CADM1: variants seen among roughly 807,000 people sequenced by gnomAD.
The protein encoded by CADM1 is TSLC-1.
CADM1 carries 15 observed loss-of-function variants against 53.1 expected under a neutral mutation model. The observed-to-expected ratio is 0.28, with a 90% CI of 0.19 to 0.44. The LOEUF is 0.44. Ranked by LOEUF, CADM1 falls within the 20% of genes least tolerant of loss-of-function variation. The pLI is 1.00. For synonymous variants in CADM1, 281 were observed against 243.0 expected (o/e 1.16, Z -1.45); for missense variants, 434 against 611.3 (o/e 0.71, Z 3.06).
chr11:115,223,551 G>T (rs940903820), intron 5 of CADM1, among the ~76,000 whole-genome samples: 1 of 152,090 alleles, frequency 6.6e-6, no homozygotes, highest in Non-Finnish European at 1.5e-5. Flanking sequence ...GAGAGGAGGT[G>T]GTTCTTAGTA....
At chr11:115,197,860 T>C (rs949136577) in intron 9 of CADM1, among the ~76,000 whole-genome samples, 1 of 152,182 alleles carries the variant, frequency 6.6e-6, no homozygotes, top group African/African-American at 2.4e-5. Context: ...GGGGTACATA[T>C]GATTAGCAAC....
chr11:115,448,348 A>T (rs1948498379), intron 1 of CADM1, among the ~76,000 whole-genome samples: 1 of 152,070 alleles, frequency 6.6e-6, no homozygotes, highest in East Asian at 1.9e-4. Context: ...TATAAATCTG[A>T]TTAGAAAAAA....
intron 1 of CADM1, among the ~76,000 whole-genome samples, chr11:115,424,316 A>T (rs1441951307): frequency 6.6e-6 from 1 of 152,216 alleles, no homozygotes; most frequent in Non-Finnish European, 1.5e-5. Flanking sequence ...CACAGAAAGT[A>T]CTTGAACTTT....
chr11:115,284,114 C>CTCTCTCTCTCTCTCTCTCTCTCTCTGTG (rs1351842329), intron 1 of CADM1, among the ~76,000 whole-genome samples: 4 of 98,616 alleles, frequency 4.1e-5, no homozygotes, highest in African/African-American at 1.2e-4. Flanking sequence ...CTCTCTCTCT[C>CTCTCTCTCTCTCTCTCTCTCTCTCTGTG]TGTGTGTGTG....
At position 115,191,947 on chromosome 11, in the gene CADM1, A is replaced by C. The variant is rs143608298; in HGVS notation, c.1112-1006T>G. ...CTAATAAACTGCAAGGTCTTTGGAG[A>C]AGCAAGTTGTGTTTATTTTTGCATC... On this transcript the variant is annotated intron_variant, in intron 9 of 11. Transcript: ENST00000331581. Among the ~76,000 whole-genome samples, 614 of 152,258 alleles carry C rather than the reference A, an allele frequency of 4.0e-3. 2 individuals are homozygous for C. The highest frequency in any genetic ancestry group is 0.01 in the Middle Eastern group (3 of 294).
At chr11:115,455,055 G>A (rs1209442751) in intron 1 of CADM1, among the ~76,000 whole-genome samples, 2 of 152,094 alleles carry the variant, frequency 1.3e-5, no homozygotes, top group Non-Finnish European at 2.9e-5. Flanking sequence ...TCTCTAATAG[G>A]TGAGACTGGA....
intron 1 of CADM1, among the ~76,000 whole-genome samples, chr11:115,416,523 C>T (rs896712858): frequency 1.3e-5 from 2 of 152,038 alleles, no homozygotes; most frequent in African/African-American, 2.4e-5. Flanking sequence ...ACAGATAAAG[C>T]ACACTACACT....
intron 10 of CADM1, among the ~76,000 whole-genome samples, chr11:115,183,548 T>C (rs973144488): frequency 1.4e-4 from 21 of 152,122 alleles, no homozygotes; most frequent in African/African-American, 4.8e-5. Flanking sequence ...CTGCCCACCC[T>C]GAAGCCCTCG....
chr11:115,392,681 C>G (rs1210225687), intron 1 of CADM1, among the ~76,000 whole-genome samples: 1 of 152,060 alleles, frequency 6.6e-6, no homozygotes, highest in Non-Finnish European at 1.5e-5. Flanking sequence ...TTCGCATTCC[C>G]AAACACAAAT....
At chr11:115,338,243 C>G (rs1945319429) in intron 1 of CADM1, among the ~76,000 whole-genome samples, 1 of 152,030 alleles carries the variant, frequency 6.6e-6, no homozygotes, top group Non-Finnish European at 1.5e-5. Flanking sequence ...TCACAAAAAC[C>G]CTAAGAGGTA....
chr11:115,270,325 ACCAT>A (rs1943262340), intron 1 of CADM1, among the ~76,000 whole-genome samples: 2 of 152,208 alleles, frequency 1.3e-5, no homozygotes, highest in Non-Finnish European at 2.9e-5. Flanking sequence ...GAGCTACTTT[ACCAT>A]ATTTATTATT....
intron 1 of CADM1, among the ~76,000 whole-genome samples, chr11:115,375,014 T>C (rs1220060582): frequency 6.6e-6 from 1 of 152,222 alleles, no homozygotes; most frequent in African/African-American, 2.4e-5. Flanking sequence ...TAAGAAAATA[T>C]TATTGTGGTT....
rs1352738487 is a variant in CADM1, at chr11:115,170,612, G to C, written c.*5862C>G. 1 of 149,934 alleles carries C rather than the reference G, an allele frequency of 6.7e-6. No homozygotes were observed. The highest frequency in any genetic ancestry group is 1.5e-5 in the Non-Finnish European group (1 of 67,602). 9.3% of individuals were successfully genotyped at this position (149,934 alleles called of 1,614,324 possible). A position where few individuals can be genotyped will look rare whatever the true frequency, so the allele number is the denominator to read the frequency against. On this transcript the variant is annotated 3_prime_UTR_variant, in exon 12 of 12. Coordinates refer to ENST00000331581, the MANE Select transcript of CADM1 (RefSeq NM_001301043.2). ...GAGTGTTGGGTGGGGGGTGGTGGGGGGGGACTGAATCCTGCAGTTCCTATT... is the reference window on the plus strand; with the variant it reads ...GAGTGTTGGGTGGGGGGTGGTGGGGCGGGACTGAATCCTGCAGTTCCTATT...
chr11:115,208,902 C>G (rs548530780), intron 8 of CADM1, among the ~76,000 whole-genome samples: 2 of 152,188 alleles, frequency 1.3e-5, no homozygotes, highest in Non-Finnish European at 2.9e-5. Context: ...AAAACTCATG[C>G]TGAATAAGAG....
intron 1 of CADM1, among the ~76,000 whole-genome samples, chr11:115,474,247 C>T (rs552783864): frequency 8.1e-4 from 113 of 139,726 alleles, no homozygotes; most frequent in South Asian, 4.8e-3. Context: ...GCTGAGATAG[C>T]GCCACTGCAC....
At chr11:115,451,829 C>T (rs17118345) in intron 1 of CADM1, among the ~76,000 whole-genome samples, 3,132 of 152,056 alleles carry the variant, frequency 0.021, 119 homozygotes, top group African/African-American at 0.072. Flanking sequence ...TATAAAACAC[C>T]GGTGGAATTA....
chr11:115,193,057 G>A lies in CADM1; in HGVS notation c.1112-2116C>T, dbSNP rs111226713. Among the ~76,000 whole-genome samples the A allele has an allele frequency of 3.3e-3, 507 of 152,338 alleles. 3 individuals are homozygous for A. Among genetic ancestry groups the A allele is most frequent in the Non-Finnish European group, 4.6e-3 (314 of 68,026 alleles). The stretch of plus-strand genomic sequence containing the variant: ...TCAAAAGAATTTACTGAAGCACTGG[G>A]TGTGCAAGTGGGGACGAGCAAAATT... On this transcript the variant is annotated intron_variant, in intron 9 of 11. Coordinates refer to ENST00000331581, the MANE Select transcript of CADM1 (RefSeq NM_001301043.2).
chr11:115,352,347 T>C (rs1200187571), intron 1 of CADM1, among the ~76,000 whole-genome samples: 2 of 152,186 alleles, frequency 1.3e-5, no homozygotes, highest in Non-Finnish European at 2.9e-5. Context: ...TATAGTGCCC[T>C]GCATTTAAGA....
intron 1 of CADM1, among the ~76,000 whole-genome samples, chr11:115,400,595 C>T (rs11215533): frequency 0.99 from 133,232 of 134,138 alleles, 66,184 homozygotes; most frequent in East Asian, 1. Flanking sequence ...ATATATATCT[C>T]TCATATATAT....
Sources: allele counts gnomAD v4.1 joint callset (sites outside exome capture counted in the v4.1 genomes callset), GRCh38; gene constraint gnomAD v4.1.1; transcripts MANE v1.5; gene names NCBI Gene and HGNC (gene_info 2026-07-23, HGNC 2026-07-21).